NFIA: variants seen among roughly 807,000 people sequenced by gnomAD.
NFIA encodes the protein nuclear factor I A.
In NFIA, 8 loss-of-function variants were observed where a neutral mutation model predicts 62.8. The ratio of observed to expected loss-of-function variants is 0.13; its 90% CI spans 0.07 to 0.23. The LOEUF is 0.23. Ranked by LOEUF, NFIA falls within the 10% of genes least tolerant of loss-of-function variation. The pLI, the probability that NFIA is intolerant of heterozygous loss-of-function variation, is 1.00. For synonymous variants in NFIA, 235 were observed against 238.1 expected, an observed-to-expected ratio of 0.99 and a Z score of 0.12; for missense variants, 410 against 642.1, an observed-to-expected ratio of 0.64 and a Z score of 3.91.
chr1:61,379,353 G>C (rs1664296642), intron 6 of NFIA, among the ~76,000 whole-genome samples: 1 of 149,930 alleles, frequency 6.7e-6, no homozygotes, highest in Non-Finnish European at 1.5e-5. Flanking sequence ...CTTCTGAGTA[G>C]CTGGGACTGT....
Position 61,082,688 on chromosome 1 carries a change from C to G in NFIA, c.-104C>G, listed in dbSNP as rs1185598167. 9 of 1,541,262 alleles carry G rather than the reference C, an allele frequency of 5.8e-6. No homozygotes were observed. Among genetic ancestry groups the G allele is most frequent in the African/African-American group, 2.8e-5 (2 of 72,378 alleles). On this transcript the variant is annotated 5_prime_UTR_variant, in exon 1 of 11. Transcript: ENST00000403491. ...TCTCCCCCCTTCTCTCTCTCTCTCT[C>G]TCTCTCTCTTCCTCTCTCCCTCTTT...
chr1:61,175,059 A>G lies in NFIA; in HGVS notation c.559+86379A>G, dbSNP rs577984834. Among the ~76,000 whole-genome samples the G allele has an allele frequency of 5.3e-5, 8 of 152,276 alleles. No homozygotes were observed. In the East Asian group the frequency reaches 9.6e-4, roughly 18 times the overall value. ...AAAAAAACACATCTCAAACCTTGGC[A>G]TTTATTGAATATTAACAGGCCAGGC... On this transcript the variant is annotated intron_variant, in intron 2 of 10. Coordinates refer to ENST00000403491, the MANE Select transcript of NFIA (RefSeq NM_001134673.4).
At chr1:61,206,291 A>G (rs573060284) in intron 2 of NFIA, among the ~76,000 whole-genome samples, 1 of 152,264 alleles carries the variant, frequency 6.6e-6, no homozygotes, top group South Asian at 2.1e-4. Flanking sequence ...TTTGTATGAA[A>G]TCAGTCTTTT....
intron 3 of NFIA, among the ~76,000 whole-genome samples, chr1:61,287,345 A>G (rs1658570185): frequency 6.6e-6 from 1 of 152,210 alleles, no homozygotes; most frequent in African/African-American, 2.4e-5. Context: ...AGTTACTTGC[A>G]TGGAATAATA....
chr1:61,378,385 T>TA (rs1420125369), intron 6 of NFIA, among the ~76,000 whole-genome samples: 1 of 152,210 alleles, frequency 6.6e-6, no homozygotes, highest in Non-Finnish European at 1.5e-5. Flanking sequence ...GAATACGTCT[T>TA]ACCGTTTTCT....
intron 2 of NFIA, among the ~76,000 whole-genome samples, chr1:61,247,998 C>G (rs188996956): frequency 4.6e-5 from 7 of 152,182 alleles, no homozygotes; most frequent in African/African-American, 1.7e-4. Flanking sequence ...ATTTCCTTTT[C>G]AAGAGTTTCA....
chr1:61,135,139 G>A (rs764566617), intron 2 of NFIA, among the ~76,000 whole-genome samples: 8 of 152,216 alleles, frequency 5.3e-5, no homozygotes, highest in African/African-American at 1.2e-4. Context: ...GAAGAAAACT[G>A]TGTATAGGCT....
intron 3 of NFIA, among the ~76,000 whole-genome samples, chr1:61,298,112 C>A (rs753080123): frequency 1.3e-5 from 2 of 152,134 alleles, no homozygotes; most frequent in African/African-American, 4.8e-5. Context: ...CTGTAATTCC[C>A]ATGTGTCAAG....
intron 2 of NFIA, among the ~76,000 whole-genome samples, chr1:61,222,670 T>C (rs550539513): frequency 6.6e-6 from 1 of 152,202 alleles, no homozygotes; most frequent in South Asian, 2.1e-4. Context: ...AAAACACTGT[T>C]ATGCTGAAAT....
intron 8 of NFIA, 114 bp downstream of exon 8, chr1:61,404,396 G>A: frequency 9.7e-7 from 1 of 1,033,144 alleles, no homozygotes; most frequent in Non-Finnish European, 1.4e-6. Flanking sequence ...CTGACTGACT[G>A]CAGGCAAATG....
chr1:61,257,431 G>A lies in NFIA; in HGVS notation c.560-20089G>A, dbSNP rs1656480380. On this transcript the variant is annotated intron_variant, in intron 2 of 10. Transcript: ENST00000403491. ...TGGCTCATTGCAACCTCTGCCTCCC[G>A]GATTCAAGCAATTCTCCTGACTCAG... is the stretch of plus-strand genomic sequence containing the variant. Among the ~76,000 whole-genome samples, 3 of 140,338 alleles carry A rather than the reference G, an allele frequency of 2.1e-5. No individual in the cohort carries two copies. In the Admixed American group the frequency reaches 2.2e-4, roughly 10 times the overall value. The allele number at this position is 140,338 out of a possible 152,430, so 92.1% of individuals were successfully genotyped here. A position where few individuals can be genotyped will look rare whatever the true frequency, so the allele number is the denominator to read the frequency against.
chr1:61,089,009 T>A (rs148412319), intron 2 of NFIA, among the ~76,000 whole-genome samples: 1 of 152,346 alleles, frequency 6.6e-6, no homozygotes, highest in East Asian at 1.9e-4. Context: ...ATATTTTAAC[T>A]GACAAATGAT....
chr1:61,223,482 G>C (rs1405150243), intron 2 of NFIA, among the ~76,000 whole-genome samples: 12 of 151,962 alleles, frequency 7.9e-5, no homozygotes, highest in Admixed American at 7.9e-4. Flanking sequence ...CAGTTTTTCA[G>C]GTTTCATAAA....
intron 2 of NFIA, among the ~76,000 whole-genome samples, chr1:61,108,566 C>T (rs568502818): frequency 1.3e-5 from 2 of 151,574 alleles, no homozygotes; most frequent in Non-Finnish European, 3.0e-5. Context: ...ATGCTTTTAT[C>T]TTCCTTACCC....
At chr1:61,300,925 C>T (rs1659465522) in intron 3 of NFIA, among the ~76,000 whole-genome samples, 1 of 151,852 alleles carries the variant, frequency 6.6e-6, no homozygotes, top group African/African-American at 2.4e-5. Flanking sequence ...AGGTAAAAAT[C>T]AGAGAAAAAG....
intron 2 of NFIA, among the ~76,000 whole-genome samples, chr1:61,103,372 A>G (rs138933221): frequency 0.012 from 1,769 of 152,254 alleles, 19 homozygotes; most frequent in Middle Eastern, 0.065. Flanking sequence ...TCATTTCCTC[A>G]AGGAAGCTTT....
chr1:61,303,540 G>A (rs1217107277), intron 3 of NFIA, among the ~76,000 whole-genome samples: 2 of 152,186 alleles, frequency 1.3e-5, no homozygotes, highest in African/African-American at 2.4e-5. Context: ...GAGGGAGTGC[G>A]ACACACAGAT....
chr1:61,082,066 CG>C (rs1646103757), upstream of NFIA: 5 of 1,473,376 alleles, frequency 3.4e-6, no homozygotes, highest in South Asian at 1.2e-5. Context: ...AGGTCTGCAG[CG>C]GGGGTGGGGG....
At chr1:61,101,395 C>CAAA (rs1226359890) in intron 2 of NFIA, among the ~76,000 whole-genome samples, 1 of 67,462 alleles carries the variant, frequency 1.5e-5, no homozygotes, top group African/African-American at 5.5e-5. Context: ...AACTCCATCT[C>CAAA]AAAAAAAAAA....
Sources: allele counts gnomAD v4.1 joint callset (sites outside exome capture counted in the v4.1 genomes callset), GRCh38; gene constraint gnomAD v4.1.1; transcripts MANE v1.5; gene names NCBI Gene and HGNC (gene_info 2026-07-23, HGNC 2026-07-21).